The following PCDHGB1 variants were observed in gnomAD, a reference collection of about 807,000 sequenced individuals.
PCDHGB1 encodes the protein protocadherin gamma subfamily B, 1.
A neutral mutation model predicts 56.6 loss-of-function variants in PCDHGB1; 34 were observed. That is an observed-to-expected ratio of 0.60 (90% CI 0.46 to 0.80). The LOEUF (loss-of-function observed/expected upper bound fraction) is 0.80, where lower values mean the gene tolerates loss of function less well. Among genes scored for constraint, PCDHGB1 ranks in the 30% least tolerant of loss-of-function variants. The probability of loss-of-function intolerance (pLI) is 0.00; values close to 1 mark genes in which losing one functional copy is unlikely to be tolerated. For synonymous variants in PCDHGB1, 561 were observed against 505.9 expected (o/e 1.11, Z -1.46); for missense variants, 1,278 against 1,204.6 (o/e 1.06, Z -0.90).
In PCDHGB1 at chr5:141,485,222, C is replaced by A; in HGVS notation, c.2410-9585C>A. The A allele has an allele frequency of 6.2e-7, 1 of 1,614,196 alleles. No homozygotes were observed. The highest frequency in any genetic ancestry group is 8.5e-7 in the Non-Finnish European group (1 of 1,180,020). On this transcript the variant is annotated intron_variant, in intron 1 of 3. Transcript: ENST00000523390. This position sits in a 1 kb window ranked among gnomAD's most constrained non-coding sequence, Gnocchi z 5.7. ...GACAGAAATCTGGCGGTGGGCTACC[C>A]TTTTGTTCCTCTTTTACCACCTGGG...
intron 1 of PCDHGB1, chr5:141,422,395 C>T: frequency 1.9e-6 from 3 of 1,596,286 alleles, no homozygotes; most frequent in South Asian, 1.1e-5. Context: ...TATTCCTAAC[C>T]ACCTGCCTTT....
At chr5:141,419,052 C>A (rs1017300472) in intron 1 of PCDHGB1, 6 of 1,613,948 alleles carry the variant, frequency 3.7e-6, no homozygotes, top group East Asian at 2.2e-5. Context: ...CATTCTTCTT[C>A]TAATAATTAC....
intron 1 of PCDHGB1, chr5:141,371,961 G>T (rs532361069): frequency 3.1e-6 from 5 of 1,613,240 alleles, no homozygotes; most frequent in Admixed American, 1.7e-5. Flanking sequence ...CTTCGACCAC[G>T]AGCAGCTGCG....
chr5:141,447,742 T>G (rs1440015460), intron 1 of PCDHGB1, among the ~76,000 whole-genome samples: 3 of 152,056 alleles, frequency 2.0e-5, no homozygotes, highest in Non-Finnish European at 4.4e-5. Flanking sequence ...AACTTAAGAG[T>G]CTTGCATGTG....
Position 141,477,468 on chromosome 5 carries a change from A to G in PCDHGB1, c.2410-17339A>G. ...GTGCGTGTTCAAGTGTCCGACATCA[A>G]TGACAACCCTCCACAATCTTCTCAA... is the stretch of plus-strand genomic sequence containing the variant. On this transcript the variant is annotated intron_variant, in intron 1 of 3. Transcript: ENST00000523390. This position sits in a 1 kb window ranked among gnomAD's most constrained non-coding sequence, Gnocchi z 4.9. 6.2e-7 allele frequency: 1 copy of G among 1,614,158 alleles called. No homozygotes were observed. Among genetic ancestry groups the G allele is most frequent in the Non-Finnish European group, 8.5e-7 (1 of 1,180,022 alleles).
rs765535731 is a variant in PCDHGB1, at chr5:141,427,976, G to T, written c.2410-66831G>T. On this transcript the variant is annotated intron_variant, in intron 1 of 3. Transcript: ENST00000523390. ...ATGTGCCGCGGGTGCTGTACCCCGC[G>T]CTGGGGCCCGATGGCTCCGCACTCT... 1.1e-5 allele frequency: 17 copies of T among 1,594,884 alleles called. No individual in the cohort carries two copies. The East Asian group carries it at 1.6e-4, about 15-fold the overall frequency.
intron 1 of PCDHGB1, chr5:141,423,481 C>G: frequency 6.2e-7 from 1 of 1,613,908 alleles, no homozygotes; most frequent in South Asian, 1.1e-5. Context: ...GGCTTTCCTG[C>G]AAACCTATTC....
At chr5:141,385,271 TG>T (rs777522853) in intron 1 of PCDHGB1, 313 of 1,614,076 alleles carry the variant, frequency 1.9e-4, no homozygotes, top group Non-Finnish European at 2.4e-4. Flanking sequence ...AATGATTCTT[TG>T]CTAACATCCG....
rs185704620 is a variant in PCDHGB1, at chr5:141,396,920, C to T, written c.2409+44251C>T. Among the ~76,000 whole-genome samples the T allele has an allele frequency of 3.3e-5, 5 of 152,316 alleles. No individual in the cohort carries two copies. In the East Asian group the frequency reaches 7.7e-4, roughly 23 times the overall value. ...TATTGGCACTTTGCAATTTTAAAAACTCGGATGAAAGTTGCCCTGGTAGGA... is the reference window on the plus strand; with the variant it reads ...TATTGGCACTTTGCAATTTTAAAAATTCGGATGAAAGTTGCCCTGGTAGGA... On this transcript the variant is annotated intron_variant, in intron 1 of 3. Transcript: ENST00000523390.
intron 1 of PCDHGB1, among the ~76,000 whole-genome samples, chr5:141,435,840 T>G (rs1408413470): frequency 6.6e-6 from 1 of 152,118 alleles, no homozygotes; most frequent in Non-Finnish European, 1.5e-5. Context: ...CCTATCTACT[T>G]TGAAAGATAC....
chr5:141,371,622 C>G (rs1198446488), intron 1 of PCDHGB1: 1 of 1,613,888 alleles, frequency 6.2e-7, no homozygotes, highest in African/African-American at 1.3e-5. Flanking sequence ...AGATGGAGCC[C>G]TGGACCGGGA....
intron 1 of PCDHGB1, chr5:141,389,720 C>T (rs1488646083): frequency 1.2e-6 from 2 of 1,612,576 alleles, no homozygotes; most frequent in East Asian, 4.5e-5. Flanking sequence ...CTAGCGAGCC[C>T]GGGCTCTTCA....
chr5:141,414,184 G>C (rs1228749194), intron 1 of PCDHGB1: 3 of 1,609,416 alleles, frequency 1.9e-6, no homozygotes, highest in Non-Finnish European at 2.5e-6. Flanking sequence ...AACTGCAAAA[G>C]TGTTGATTAC....
At chr5:141,399,864 G>A (rs762765678) in intron 1 of PCDHGB1, 1 of 1,612,860 alleles carries the variant, frequency 6.2e-7, no homozygotes. Flanking sequence ...GCGCTGCAGA[G>A]CCCGGCTACC....
chr5:141,505,704 G>A (rs770933428), intron 3 of PCDHGB1, among the ~76,000 whole-genome samples: 1 of 152,184 alleles, frequency 6.6e-6, no homozygotes, highest in Non-Finnish European at 1.5e-5. Context: ...GAGCGAACAA[G>A]GAAAAGACTC....
At chr5:141,377,345 C>T (rs1275867689) in intron 1 of PCDHGB1, 1 of 152,148 alleles carries the variant, frequency 6.6e-6, no homozygotes, top group African/African-American at 2.4e-5. Flanking sequence ...GTGGTTCACG[C>T]CTGTAATCCC....
At chr5:141,496,630 T>C (rs2099770022) in intron 2 of PCDHGB1, among the ~76,000 whole-genome samples, 1 of 152,202 alleles carries the variant, frequency 6.6e-6, no homozygotes, top group Non-Finnish European at 1.5e-5. Context: ...TCAAAAGGCT[T>C]GGGCTGCCCT....
At chr5:141,403,157 A>G in intron 1 of PCDHGB1, 3 of 1,614,030 alleles carry the variant, frequency 1.9e-6, no homozygotes, top group Non-Finnish European at 8.5e-7. Context: ...CATCGTCTCT[A>G]GAGGTAGGAC....
chr5:141,457,413 A>C (rs939244132), intron 1 of PCDHGB1, among the ~76,000 whole-genome samples: 6 of 152,142 alleles, frequency 3.9e-5, no homozygotes, highest in Non-Finnish European at 5.9e-5. Flanking sequence ...CACATTACCC[A>C]TCCCTTTTTC....
Sources: allele counts gnomAD v4.1 joint callset (sites outside exome capture counted in the v4.1 genomes callset), GRCh38; gene constraint gnomAD v4.1.1; non-coding constraint Gnocchi (gnomAD v3.1); transcripts MANE v1.5; gene names NCBI Gene and HGNC (gene_info 2026-07-23, HGNC 2026-07-21).